The following PTPRD variants were observed in gnomAD, a reference collection of about 807,000 sequenced individuals.
PTPRD encodes the protein protein tyrosine phosphatase receptor type D, also known as receptor-type tyrosine-protein phosphatase delta.
In PTPRD, 34 loss-of-function variants were observed where a neutral mutation model predicts 214.5. The observed-to-expected ratio is 0.16, with a 90% CI of 0.12 to 0.21. The LOEUF (loss-of-function observed/expected upper bound fraction) is 0.21, where lower values mean the gene tolerates loss of function less well. PTPRD is among the 10% of genes least tolerant of loss of function. The pLI is 1.00. For synonymous variants in PTPRD, 1,128 were observed against 845.7 expected, an observed-to-expected ratio of 1.33 and a Z score of -5.79; for missense variants, 2,545 against 2,398.7, an observed-to-expected ratio of 1.06 and a Z score of -1.27.
At chr9:10,507,804 T>C (rs2046544701) in intron 2 of PTPRD, among the ~76,000 whole-genome samples, 2 of 152,124 alleles carry the variant, frequency 1.3e-5, no homozygotes. Flanking sequence ...TAATTCAAGG[T>C]GGATTAAAGA....
intron 2 of PTPRD, among the ~76,000 whole-genome samples, chr9:10,399,020 T>C (rs1041883218): frequency 3.9e-5 from 6 of 152,004 alleles, no homozygotes; most frequent in Non-Finnish European, 8.8e-5. Flanking sequence ...AATGTCAGAC[T>C]GATTTCTCTT....
chr9:9,198,717 A>C (rs1440704469), intron 9 of PTPRD, among the ~76,000 whole-genome samples: 1 of 152,228 alleles, frequency 6.6e-6, no homozygotes, highest in African/African-American at 2.4e-5. Flanking sequence ...AATGAAGTGG[A>C]TAGATGCCTT....
At chr9:10,283,204 T>TA (rs1314712242) in intron 3 of PTPRD, among the ~76,000 whole-genome samples, 1 of 152,056 alleles carries the variant, frequency 6.6e-6, no homozygotes, top group Non-Finnish European at 1.5e-5. Context: ...ATTTTTCTGG[T>TA]AAAGCTTCCT....
At chr9:8,626,795 T>C (rs2096057281) in intron 14 of PTPRD, among the ~76,000 whole-genome samples, 1 of 151,742 alleles carries the variant, frequency 6.6e-6, no homozygotes, top group African/African-American at 2.4e-5. Context: ...GCCTGTGGAC[T>C]AGAACTGCAC....
chr9:9,621,799 T>C (rs1413383023), intron 7 of PTPRD, among the ~76,000 whole-genome samples: 1 of 152,224 alleles, frequency 6.6e-6, no homozygotes, highest in Non-Finnish European at 1.5e-5. Flanking sequence ...TCTGTGTGGA[T>C]AGTGATGGTG....
chr9:9,377,531 T>C (rs981275314), intron 9 of PTPRD, among the ~76,000 whole-genome samples: 5 of 152,200 alleles, frequency 3.3e-5, no homozygotes, highest in African/African-American at 1.2e-4. Flanking sequence ...GCATTATTAT[T>C]GATCCTATTA....
At chr9:9,131,816 TG>T (rs1165073601) in intron 10 of PTPRD, among the ~76,000 whole-genome samples, 1 of 152,230 alleles carries the variant, frequency 6.6e-6, no homozygotes, top group Non-Finnish European at 1.5e-5. Flanking sequence ...ATGTACGTAG[TG>T]GTTCATGTAG....
At chr9:9,887,081 A>G (rs2071226582) in intron 5 of PTPRD, among the ~76,000 whole-genome samples, 1 of 152,106 alleles carries the variant, frequency 6.6e-6, no homozygotes, top group Non-Finnish European at 1.5e-5. Flanking sequence ...ATAATGGAAT[A>G]AGTCCCTTCT....
At chr9:9,160,588 A>G (rs1045114445) in intron 10 of PTPRD, among the ~76,000 whole-genome samples, 4 of 152,224 alleles carry the variant, frequency 2.6e-5, no homozygotes, top group African/African-American at 9.6e-5. Flanking sequence ...GTGGAAATAT[A>G]AATTAGTACT....
At chr9:10,480,199 G>C (rs1378488809) in intron 2 of PTPRD, among the ~76,000 whole-genome samples, 3 of 152,024 alleles carry the variant, frequency 2.0e-5, no homozygotes, top group African/African-American at 7.2e-5. Context: ...TCCTATTCTC[G>C]GCCCAACTTG....
intron 30 of PTPRD, among the ~76,000 whole-genome samples, chr9:8,476,039 G>C (rs543794163): frequency 5.9e-5 from 9 of 152,298 alleles, no homozygotes; most frequent in African/African-American, 1.9e-4. Context: ...GATCTTGCCT[G>C]AATCCCTCTG....
intron 18 of PTPRD, 64 bp from the exon 19 acceptor site, chr9:8,523,588 AAC>A: frequency 6.3e-7 from 1 of 1,587,614 alleles, no homozygotes; most frequent in East Asian, 2.3e-5. Context: ...AAACAAGGGA[AAC>A]ACAGAGAGAG....
At chr9:10,394,161 TATATATAC>T (rs2098126163) in intron 2 of PTPRD, among the ~76,000 whole-genome samples, 1 of 145,372 alleles carries the variant, frequency 6.9e-6, no homozygotes. Flanking sequence ...TATATATAGA[TATATATAC>T]ATATATATCT....
chr9:10,127,648 T>C (rs182212968), intron 3 of PTPRD, among the ~76,000 whole-genome samples: 59 of 152,306 alleles, frequency 3.9e-4, no homozygotes, highest in African/African-American at 1.3e-3. Context: ...TCTACCATCC[T>C]GTTATTATTC....
intron 9 of PTPRD, among the ~76,000 whole-genome samples, chr9:9,318,675 C>A (rs958206173): frequency 6.6e-6 from 1 of 152,128 alleles, no homozygotes; most frequent in Non-Finnish European, 1.5e-5. Context: ...AAAAGTATCT[C>A]AATTTCTAAT....
chr9:8,949,825 A>G (rs1486228722), intron 11 of PTPRD, among the ~76,000 whole-genome samples: 1 of 152,158 alleles, frequency 6.6e-6, no homozygotes, highest in African/African-American at 2.4e-5. Flanking sequence ...ACTCGGTCCA[A>G]TTTGAATTTT....
intron 3 of PTPRD, among the ~76,000 whole-genome samples, chr9:10,235,851 G>T (rs1329167791): frequency 1.3e-5 from 2 of 151,958 alleles, no homozygotes; most frequent in Non-Finnish European, 2.9e-5. Context: ...GGCAATTCTA[G>T]TATTAGTAGA....
At chr9:9,202,016 G>C (rs565605529) in intron 9 of PTPRD, among the ~76,000 whole-genome samples, 4 of 152,300 alleles carry the variant, frequency 2.6e-5, no homozygotes, top group Non-Finnish European at 5.9e-5. Context: ...ACTTTTGGTG[G>C]AGTTCAGTGC....
chr9:9,264,211 G>C (rs936606274), intron 9 of PTPRD, among the ~76,000 whole-genome samples: 5 of 151,528 alleles, frequency 3.3e-5, no homozygotes, highest in East Asian at 2.0e-4. Flanking sequence ...CAACCTAAAA[G>C]AATTGGACAT....
Sources: allele counts gnomAD v4.1 joint callset (sites outside exome capture counted in the v4.1 genomes callset), GRCh38; gene constraint gnomAD v4.1.1; transcripts MANE v1.5; gene names NCBI Gene and HGNC (gene_info 2026-07-23, HGNC 2026-07-21).